Variants in SGIP1 observed in about 807,000 individuals in gnomAD.
SGIP1 encodes SH3GL interacting endocytic adaptor 1, also known as SH3-containing GRB2-like protein 3-interacting protein 1.
A neutral mutation model predicts 107.5 loss-of-function variants in SGIP1; 38 were observed. The ratio of observed to expected loss-of-function variants is 0.35; its 90% CI spans 0.27 to 0.46. SGIP1 has a LOEUF of 0.46. Among genes scored for constraint, SGIP1 ranks in the 20% least tolerant of loss-of-function variants. The pLI, the probability that SGIP1 is intolerant of heterozygous loss-of-function variation, is 1.00. For missense variants in SGIP1, 929 were observed against 1,019.5 expected (o/e 0.91, Z 1.21); for synonymous variants, 365 against 366.1 (o/e 1.00, Z 0.03).
chr1:66,616,916 G>A (rs2069464038), intron 1 of SGIP1, among the ~76,000 whole-genome samples: 1 of 152,126 alleles, frequency 6.6e-6, no homozygotes, highest in Non-Finnish European at 1.5e-5. Context: ...TGAATTTCAA[G>A]TTGTCATTTA....
At chr1:66,551,803 A>G (rs923070532) in intron 1 of SGIP1, among the ~76,000 whole-genome samples, 1 of 152,172 alleles carries the variant, frequency 6.6e-6, no homozygotes, top group Middle Eastern at 3.2e-3. Context: ...GATGAACGCC[A>G]TATATAAGGC....
At chr1:66,656,419 A>G (rs2079789196) in intron 7 of SGIP1, among the ~76,000 whole-genome samples, 1 of 152,232 alleles carries the variant, frequency 6.6e-6, no homozygotes, top group Non-Finnish European at 1.5e-5. Context: ...TAAACCAGTA[A>G]CAGCCATTTA....
rs1382384325 is a variant in SGIP1, at chr1:66,747,510, A to C, written c.*4415A>C. The C allele has an allele frequency of 1.3e-5, 2 of 152,014 alleles. No individual in the cohort carries two copies. The highest frequency in any genetic ancestry group is 2.9e-5 in the Non-Finnish European group (2 of 67,892). The allele number at this position is 152,014 out of a possible 1,614,324, so 9.4% of individuals were successfully genotyped here. A position where few individuals can be genotyped will look rare whatever the true frequency, so the allele number is the denominator to read the frequency against. On this transcript the variant is annotated 3_prime_UTR_variant, in exon 25 of 25. Transcript: ENST00000371037. ...TTTCTGTCCTTTTCTTCAATGTCTT[A>C]AAAGACTTGAAGTAGAAGGGAAGTT...
chr1:66,645,459 T>A (rs17129248), intron 7 of SGIP1, among the ~76,000 whole-genome samples: 5 of 152,130 alleles, frequency 3.3e-5, no homozygotes, highest in African/African-American at 1.2e-4. Flanking sequence ...AAGATTCTGA[T>A]GAAAAAATGT....
intron 4 of SGIP1, 55 bp downstream of exon 4, chr1:66,636,070 T>TAA (rs2075721870): frequency 6.6e-7 from 1 of 1,513,216 alleles, no homozygotes; most frequent in Non-Finnish European, 9.1e-7. Context: ...AAACAGTGAG[T>TAA]AAAATCCCAA....
intron 17 of SGIP1, among the ~76,000 whole-genome samples, chr1:66,692,440 C>T (rs1220607487): frequency 6.6e-6 from 1 of 152,170 alleles, no homozygotes; most frequent in Non-Finnish European, 1.5e-5. Flanking sequence ...ATTCCTCACC[C>T]TCCTGCCTCG....
intron 19 of SGIP1, among the ~76,000 whole-genome samples, chr1:66,724,306 G>A (rs2093662901): frequency 6.6e-6 from 1 of 152,136 alleles, no homozygotes; most frequent in African/African-American, 2.4e-5. Flanking sequence ...TATTCATGAA[G>A]TAAGCATCTA....
intron 23 of SGIP1, 137 bp from the exon 24 acceptor site, chr1:66,741,135 A>T: frequency 1.1e-6 from 1 of 903,808 alleles, no homozygotes; most frequent in Non-Finnish European, 1.6e-6. Flanking sequence ...CATAATATTC[A>T]ATGATAAACT....
intron 1 of SGIP1, among the ~76,000 whole-genome samples, chr1:66,592,803 T>C (rs1044099856): frequency 2.0e-5 from 3 of 152,144 alleles, no homozygotes; most frequent in Admixed American, 1.3e-4. Flanking sequence ...ATAGTTTTAC[T>C]TTTTCTACGA....
chr1:66,539,869 G>A (rs2054497379), intron 1 of SGIP1, among the ~76,000 whole-genome samples: 1 of 148,732 alleles, frequency 6.7e-6, no homozygotes, highest in Non-Finnish European at 1.5e-5. Context: ...CCTCAGAGCT[G>A]TGTTTATGGC....
Position 66,534,291 on chromosome 1 carries a change from G to A in SGIP1, c.-68G>A. On this transcript the variant is annotated 5_prime_UTR_variant, in exon 1 of 25. Coordinates refer to ENST00000371037, the MANE Select transcript of SGIP1 (RefSeq NM_032291.4). ...AGCGGCGTGGTGAGGACTTAGCTGG[G>A]ACCTGGAATCGTATCCTCCTGTGTT... The A allele has an allele frequency of 6.4e-7, 1 of 1,570,588 alleles. No homozygotes were observed. Among genetic ancestry groups the A allele is most frequent in the Non-Finnish European group, 8.8e-7 (1 of 1,140,550 alleles).
chr1:66,680,884 T>C (rs1027104290), intron 14 of SGIP1, among the ~76,000 whole-genome samples: 1 of 152,222 alleles, frequency 6.6e-6, no homozygotes, highest in Admixed American at 6.5e-5. Flanking sequence ...GGTAGCAATT[T>C]GTAATGTGAA....
At chr1:66,699,179 T>C (rs777132499) in intron 18 of SGIP1, among the ~76,000 whole-genome samples, 8 of 152,116 alleles carry the variant, frequency 5.3e-5, no homozygotes, top group Non-Finnish European at 1.0e-4. Flanking sequence ...ATCACTTCCA[T>C]AGCACTCTCT....
intron 24 of SGIP1, among the ~76,000 whole-genome samples, 198 bp downstream of exon 24, chr1:66,741,634 C>G (rs1024521462): frequency 3.9e-5 from 6 of 152,156 alleles, no homozygotes; most frequent in Non-Finnish European, 7.3e-5. Flanking sequence ...TCAGGAGGCT[C>G]TGACTTCTAA....
chr1:66,739,020 A>G (rs1199472115), intron 21 of SGIP1, among the ~76,000 whole-genome samples: 1 of 152,056 alleles, frequency 6.6e-6, no homozygotes, highest in Non-Finnish European at 1.5e-5. Flanking sequence ...TTGTAAGTAG[A>G]GTTGCAGAAT....
chr1:66,656,105 A>T (rs186317964), intron 7 of SGIP1, among the ~76,000 whole-genome samples: 1 of 152,118 alleles, frequency 6.6e-6, no homozygotes, highest in Admixed American at 6.5e-5. Flanking sequence ...TTCTATTAAA[A>T]ATTTTTCTTT....
At chr1:66,735,444 G>A (rs2094190875) in intron 21 of SGIP1, among the ~76,000 whole-genome samples, 1 of 151,884 alleles carries the variant, frequency 6.6e-6, no homozygotes, top group African/African-American at 2.4e-5. Flanking sequence ...TGAACTCCCA[G>A]CCTCAGATGA....
intron 1 of SGIP1, among the ~76,000 whole-genome samples, chr1:66,620,548 G>A (rs1317416031): frequency 6.6e-6 from 1 of 152,122 alleles, no homozygotes; most frequent in East Asian, 1.9e-4. Flanking sequence ...GAGACAGAGA[G>A]ACAGAGAGAG....
chr1:66,617,549 G>T (rs192679196), intron 1 of SGIP1, among the ~76,000 whole-genome samples: 1 of 152,282 alleles, frequency 6.6e-6, no homozygotes, highest in East Asian at 1.9e-4. Flanking sequence ...TGTGCCCAGG[G>T]CAATTAAATT....
Sources: allele counts gnomAD v4.1 joint callset (sites outside exome capture counted in the v4.1 genomes callset), GRCh38; gene constraint gnomAD v4.1.1; transcripts MANE v1.5; gene names NCBI Gene and HGNC (gene_info 2026-07-23, HGNC 2026-07-21).